The following PRKN variants were observed in gnomAD, a reference collection of about 807,000 sequenced individuals.
The protein encoded by PRKN is parkin RBR E3 ubiquitin protein ligase, also known as E3 ubiquitin-protein ligase parkin.
In PRKN, 56 loss-of-function variants were observed where a neutral mutation model predicts 59.5. The observed-to-expected ratio is 0.94, with a 90% CI of 0.76 to 1.18. The LOEUF (loss-of-function observed/expected upper bound fraction) is 1.18. Ranked by LOEUF, PRKN falls within the 50% of genes most tolerant of loss-of-function variation. PRKN has a pLI of 0.00. For synonymous variants in PRKN, 250 were observed against 222.1 expected, an observed-to-expected ratio of 1.13 and a Z score of -1.12; for missense variants, 657 against 596.4, an observed-to-expected ratio of 1.10 and a Z score of -1.06.
chr6:161,388,618 G>A lies in PRKN; in HGVS notation c.1084-1741C>T, dbSNP rs149991164. ...ATGTCTCTTCTGCTGACAGCCAGAT[G>A]TGTTGAGTACTTGACTCCTAGAATA... On this transcript the variant is annotated intron_variant, in intron 9 of 11. Coordinates refer to ENST00000366898, the MANE Select transcript of PRKN (RefSeq NM_004562.3). This position sits in a 1 kb window ranked among gnomAD's most constrained non-coding sequence, Gnocchi z 4.3. 2.8e-4 allele frequency among the ~76,000 whole-genome samples: 43 copies of A among 152,340 alleles called. No homozygotes were observed. In the South Asian group the frequency reaches 7.5e-3, roughly 26 times the overall value.
chr6:161,687,760 T>C (rs1785622181), intron 7 of PRKN, among the ~76,000 whole-genome samples: 1 of 152,102 alleles, frequency 6.6e-6, no homozygotes. Context: ...CGGGCCAAGA[T>C]ATATCTATTA....
intron 4 of PRKN, among the ~76,000 whole-genome samples, chr6:162,191,252 C>T (rs184550128): frequency 9.9e-5 from 15 of 152,170 alleles, no homozygotes; most frequent in Admixed American, 7.9e-4. Flanking sequence ...TGGAATGGGC[C>T]CAGACTAGGG....
chr6:161,537,697 CGCCTT>C (rs1779474291), intron 9 of PRKN, among the ~76,000 whole-genome samples: 1 of 152,150 alleles, frequency 6.6e-6, no homozygotes, highest in Non-Finnish European at 1.5e-5. Flanking sequence ...GTGATCCGCC[CGCCTT>C]AGCCTCCCAA....
At chr6:162,105,713 C>T (rs1399182524) in intron 4 of PRKN, among the ~76,000 whole-genome samples, 1 of 152,092 alleles carries the variant, frequency 6.6e-6, no homozygotes, top group Non-Finnish European at 1.5e-5. Flanking sequence ...ATATTCTTAA[C>T]TATAACATAA....
intron 4 of PRKN, among the ~76,000 whole-genome samples, chr6:162,101,405 ACGCCTGTAATCCCAGCACTTTG>A (rs1344465554): frequency 6.6e-6 from 1 of 151,786 alleles, no homozygotes; most frequent in African/African-American, 2.4e-5. Context: ...GCGGTGGCTC[ACGCCTGTAATCCCAGCACTTTG>A]GGAGGCCGAG....
intron 4 of PRKN, among the ~76,000 whole-genome samples, chr6:162,122,582 C>G (rs1328683056): frequency 6.6e-6 from 1 of 152,088 alleles, no homozygotes; most frequent in Non-Finnish European, 1.5e-5. Flanking sequence ...GCAATGGGAT[C>G]ATGTCTGTTG....
At chr6:161,583,802 G>A (rs1008029415) in intron 7 of PRKN, among the ~76,000 whole-genome samples, 9 of 152,148 alleles carry the variant, frequency 5.9e-5, no homozygotes, top group African/African-American at 1.9e-4. Flanking sequence ...ATACATCATC[G>A]TTTTTAATGG....
Position 161,391,851 on chromosome 6 carries a change from C to A in PRKN, c.1084-4974G>T, listed in dbSNP as rs1786516282. Among the ~76,000 whole-genome samples the A allele has an allele frequency of 6.6e-6, 1 of 152,006 alleles. No individual in the cohort carries two copies. The highest frequency in any genetic ancestry group is 2.4e-5 in the African/African-American group (1 of 41,336). On this transcript the variant is annotated intron_variant, in intron 9 of 11. Transcript: ENST00000366898. This position sits in a 1 kb window ranked among gnomAD's most constrained non-coding sequence, Gnocchi z 4.9. ...TGCTCAAGAGTTCCAGCCTGCCCTT[C>A]CTGATGGCCACTCTGTGGATTTAGG...
At chr6:162,347,208 G>A (rs1361822538) in intron 2 of PRKN, among the ~76,000 whole-genome samples, 2 of 147,808 alleles carry the variant, frequency 1.4e-5, no homozygotes, top group Admixed American at 6.7e-5. Flanking sequence ...GACATCTTAT[G>A]TTGGATGCTT....
At chr6:161,750,460 G>A (rs1241288763) in intron 7 of PRKN, among the ~76,000 whole-genome samples, 1 of 152,012 alleles carries the variant, frequency 6.6e-6, no homozygotes, top group Admixed American at 6.6e-5. Flanking sequence ...AAATCCATAA[G>A]TGAATAAATA....
chr6:162,350,633 A>G (rs1784584463), intron 2 of PRKN, among the ~76,000 whole-genome samples: 1 of 152,202 alleles, frequency 6.6e-6, no homozygotes, highest in African/African-American at 2.4e-5. Flanking sequence ...GCAAAAAATG[A>G]ACTTTGATTT....
chr6:161,880,836 G>A (rs1794908007), intron 6 of PRKN, among the ~76,000 whole-genome samples: 1 of 152,186 alleles, frequency 6.6e-6, no homozygotes, highest in Non-Finnish European at 1.5e-5. Context: ...GGAAAGAGCA[G>A]CGGCCCTTGT....
intron 2 of PRKN, among the ~76,000 whole-genome samples, chr6:162,367,210 A>G (rs1954947): frequency 0.65 from 99,029 of 151,924 alleles, 33,349 homozygotes; most frequent in African/African-American, 0.82. Flanking sequence ...GATGAAGGAC[A>G]TGTTTGCTTC....
chr6:162,663,407 GA>G (rs879312066), intron 1 of PRKN, among the ~76,000 whole-genome samples: 2,778 of 135,386 alleles, frequency 0.021, 71 homozygotes, highest in African/African-American at 0.062. Context: ...AACTGAACAG[GA>G]AAAAAAAAAA....
intron 6 of PRKN, among the ~76,000 whole-genome samples, chr6:161,931,948 A>G (rs1208023501): frequency 2.0e-5 from 3 of 152,226 alleles, no homozygotes; most frequent in Non-Finnish European, 4.4e-5. Flanking sequence ...CAATTCATCC[A>G]TCGAAGGCAA....
intron 7 of PRKN, among the ~76,000 whole-genome samples, chr6:161,692,610 T>C (rs1785843087): frequency 1.3e-5 from 2 of 152,132 alleles, no homozygotes; most frequent in Admixed American, 1.3e-4. Flanking sequence ...GAAGCTACTA[T>C]AGGAAAAGTG....
At chr6:161,811,288 CT>C (rs2128213532) in intron 6 of PRKN, among the ~76,000 whole-genome samples, 1 of 152,172 alleles carries the variant, frequency 6.6e-6, no homozygotes, top group African/African-American at 2.4e-5. Context: ...AGTAATTGTC[CT>C]TTAGTTTCTC....
intron 1 of PRKN, among the ~76,000 whole-genome samples, chr6:162,465,677 G>A (rs1172690933): frequency 6.6e-6 from 1 of 152,132 alleles, no homozygotes; most frequent in Non-Finnish European, 1.5e-5. Flanking sequence ...TAGAAATAAT[G>A]TCAAGTGACA....
intron 5 of PRKN, among the ~76,000 whole-genome samples, chr6:162,038,959 C>T (rs1783953268): frequency 6.6e-6 from 1 of 152,032 alleles, no homozygotes; most frequent in South Asian, 2.1e-4. Context: ...TCGAGACCAT[C>T]CTGGCTAACA....
Sources: allele counts gnomAD v4.1 joint callset (sites outside exome capture counted in the v4.1 genomes callset), GRCh38; gene constraint gnomAD v4.1.1; non-coding constraint Gnocchi (gnomAD v3.1); transcripts MANE v1.5; gene names NCBI Gene and HGNC (gene_info 2026-07-23, HGNC 2026-07-21).